Variants in FNDC3A observed in about 807,000 individuals in gnomAD.
FNDC3A encodes fibronectin type-III domain-containing protein 3A.
FNDC3A carries 32 observed loss-of-function variants against 148.9 expected under a neutral mutation model. That is an observed-to-expected ratio of 0.21 (90% CI 0.16 to 0.29). FNDC3A has a LOEUF of 0.29. Among genes scored for constraint, FNDC3A ranks in the 10% least tolerant of loss-of-function variants. The pLI is 1.00. For missense variants in FNDC3A, 1,191 were observed against 1,452.8 expected (o/e 0.82, Z 2.93); for synonymous variants, 472 against 473.6 (o/e 1.00, Z 0.04).
intron 1 of FNDC3A, among the ~76,000 whole-genome samples, chr13:48,983,648 A>T (rs1951735579): frequency 6.6e-6 from 1 of 152,254 alleles, no homozygotes; most frequent in Admixed American, 6.5e-5. Flanking sequence ...CTTGACAAAT[A>T]AAAGGCACTT....
chr13:49,050,948 A>G (rs1875796011), intron 2 of FNDC3A, among the ~76,000 whole-genome samples: 1 of 151,984 alleles, frequency 6.6e-6, no homozygotes, highest in Non-Finnish European at 1.5e-5. Flanking sequence ...GTTTTGTCTG[A>G]TACAAGGATA....
chr13:48,978,867 T>C (rs1195533465), intron 1 of FNDC3A, among the ~76,000 whole-genome samples: 1 of 152,178 alleles, frequency 6.6e-6, no homozygotes, highest in African/African-American at 2.4e-5. Flanking sequence ...TTAGTGGCCA[T>C]TAATGTTGAA....
intron 23 of FNDC3A, among the ~76,000 whole-genome samples, chr13:49,200,961 TAAAAA>T (rs77842129): frequency 6.6e-6 from 1 of 150,722 alleles, no homozygotes; most frequent in Admixed American, 6.6e-5. Flanking sequence ...TTCCTGTCAT[TAAAAA>T]AAAATTTAGA....
chr13:49,198,560 G>A lies in FNDC3A; in HGVS notation c.2973G>A (p.Glu991=), dbSNP rs369329525. ...TDSIQYHLQM[E]DKNGRFVSLY... Reference sequence around the variant, plus strand: ...CTATTCAGTACCACCTTCAGATGGAGGATAAGAATGGACGGTAGGTTTTTT... The same window carrying A: ...CTATTCAGTACCACCTTCAGATGGAAGATAAGAATGGACGGTAGGTTTTTT... Residue 991 remains glutamate, a synonymous_variant, in exon 23 of 26, where the codon GAG becomes GAA. Transcript: ENST00000492622. 4.3e-6 allele frequency: 7 copies of A among 1,612,086 alleles called. No individual in the cohort carries two copies. In the African/African-American group the frequency reaches 8.0e-5, roughly 18 times the overall value.
intron 3 of FNDC3A, among the ~76,000 whole-genome samples, chr13:49,079,751 A>G (rs1878349887): frequency 1.3e-5 from 2 of 151,916 alleles, no homozygotes; most frequent in South Asian, 4.1e-4. Flanking sequence ...CCCTATAAAA[A>G]GGAAAAAAAA....
chr13:49,129,486 A>G (rs1426984482), intron 4 of FNDC3A, among the ~76,000 whole-genome samples: 3 of 152,226 alleles, frequency 2.0e-5, no homozygotes, highest in Non-Finnish European at 2.9e-5. Flanking sequence ...TGTGACAGAT[A>G]CTGTGATTTG....
intron 2 of FNDC3A, among the ~76,000 whole-genome samples, chr13:49,052,665 G>C (rs545349684): frequency 6.6e-6 from 1 of 152,310 alleles, no homozygotes; most frequent in East Asian, 1.9e-4. Flanking sequence ...ACAGCCAGGA[G>C]GTGGCACTTT....
intron 8 of FNDC3A, among the ~76,000 whole-genome samples, chr13:49,162,709 C>G (rs1049385154): frequency 4.6e-5 from 7 of 152,322 alleles, no homozygotes; most frequent in African/African-American, 1.7e-4. Flanking sequence ...TTAGAATTTT[C>G]ATCTTTTCTG....
chr13:49,091,504 C>A (rs564903080), intron 3 of FNDC3A, among the ~76,000 whole-genome samples: 3 of 152,220 alleles, frequency 2.0e-5, no homozygotes, highest in African/African-American at 7.2e-5. Context: ...ATTTCTACTT[C>A]CATGCAGAGT....
intron 2 of FNDC3A, among the ~76,000 whole-genome samples, chr13:49,014,722 A>G: frequency 7.8e-6 from 1 of 127,560 alleles, no homozygotes; most frequent in Non-Finnish European, 1.7e-5. Flanking sequence ...TAGGGTTTTT[A>G]TGGTTTTAGG....
intron 4 of FNDC3A, among the ~76,000 whole-genome samples, chr13:49,130,759 T>A (rs1312306105): frequency 1.3e-5 from 2 of 151,910 alleles, no homozygotes; most frequent in Non-Finnish European, 2.9e-5. Context: ...AAATTCTTAC[T>A]CTTACATTTT....
chr13:49,053,484 A>G (rs1416284883), intron 2 of FNDC3A, among the ~76,000 whole-genome samples: 2 of 152,136 alleles, frequency 1.3e-5, no homozygotes, highest in East Asian at 1.9e-4. Context: ...TGGTTATAGC[A>G]TGGTTTTCCA....
rs1886692580 is a variant in FNDC3A at position 49,207,232 on chromosome 13, C to G, written c.3434C>G (p.Ser1145Cys). Reference sequence around the variant, plus strand: ...TACAGCACCACAGTGCTCTTCATCTCTCAGAGGACTGAACCACCAGCCAGC... The same window carrying G: ...TACAGCACCACAGTGCTCTTCATCTGTCAGAGGACTGAACCACCAGCCAGC... ...GPYSTTVLFI[S>C]QRTEPPASTN... The change falls in exon 26 of 26, where the codon TCT becomes TGT. Residue 1145 changes from serine to cysteine, a missense_variant. Ser to Cys is a moderately radical substitution (Grantham distance 112). Coordinates refer to ENST00000492622, the MANE Select transcript of FNDC3A (RefSeq NM_001079673.2). 1 of 1,614,200 alleles carries G rather than the reference C, an allele frequency of 6.2e-7. No individual in the cohort carries two copies. The highest frequency in any genetic ancestry group is 8.5e-7 in the Non-Finnish European group (1 of 1,180,020).
intron 3 of FNDC3A, among the ~76,000 whole-genome samples, chr13:49,111,676 A>C (rs1880583236): frequency 6.6e-6 from 1 of 151,202 alleles, no homozygotes; most frequent in Admixed American, 6.6e-5. Flanking sequence ...CATTGAGCTG[A>C]GATAGCGCCA....
chr13:49,136,285 T>G, intron 5 of FNDC3A, 47 bp from the exon 6 acceptor site: 1 of 1,507,162 alleles, frequency 6.6e-7, no homozygotes, highest in Non-Finnish European at 9.1e-7. Context: ...CATAAACTTA[T>G]TTGGAGAAAG....
Position 49,178,582 on chromosome 13 carries a change from G to A in FNDC3A, c.1545G>A (p.Lys515=). ...TCCTTTTCCAGGGATATGGTTTTAA[G>A]CCTAAATATGATGGAGAAGATCTTG... ...MEEETSGYGF[K]PKYDGEDLAY... is the part of the protein sequence containing the mutation. The change falls in exon 14 of 26, where the codon AAG becomes AAA. Residue 515 remains lysine (K), a synonymous_variant. Transcript: ENST00000492622. The A allele has an allele frequency of 6.3e-7, 1 of 1,593,940 alleles. No individual in the cohort carries two copies. Among genetic ancestry groups the A allele is most frequent in the South Asian group, 1.1e-5 (1 of 88,452 alleles).
intron 10 of FNDC3A, 29 bp downstream of exon 10, chr13:49,168,780 C>A (rs1323588875): frequency 6.2e-7 from 1 of 1,601,614 alleles, no homozygotes; most frequent in Admixed American, 1.7e-5. Flanking sequence ...GTGTTTCCAA[C>A]TGGACATGTG....
chr13:49,186,647 C>A (rs1178716362), intron 15 of FNDC3A, among the ~76,000 whole-genome samples: 1 of 152,222 alleles, frequency 6.6e-6, no homozygotes, highest in African/African-American at 2.4e-5. Context: ...GCGGGCAGAT[C>A]ACATGAGGTC....
At chr13:48,980,668 A>G (rs887844556) in intron 1 of FNDC3A, among the ~76,000 whole-genome samples, 7 of 152,150 alleles carry the variant, frequency 4.6e-5, no homozygotes, top group African/African-American at 1.4e-4. Context: ...AAATTTATAG[A>G]TATCTATTTC....
Sources: gnomAD v4.1 joint callset for allele counts (sites outside exome capture counted in the v4.1 genomes callset) on GRCh38, gnomAD v4.1.1 for gene constraint, MANE v1.5 for transcripts, NCBI Gene and HGNC (gene_info 2026-07-23, HGNC 2026-07-21) for gene names.